PPM1B: variants seen among roughly 807,000 people sequenced by gnomAD.
PPM1B encodes protein phosphatase, Mg2+/Mn2+ dependent 1B.
A neutral mutation model predicts 43.0 loss-of-function variants in PPM1B; 22 were observed. The observed-to-expected ratio is 0.51, with a 90% CI of 0.37 to 0.73. The LOEUF (loss-of-function observed/expected upper bound fraction) is 0.73. PPM1B is among the 30% of genes least tolerant of loss of function. The probability of loss-of-function intolerance (pLI) is 0.00; values close to 1 mark genes in which losing one functional copy is unlikely to be tolerated. For missense variants in PPM1B, 632 were observed against 584.2 expected (o/e 1.08, Z -0.84); for synonymous variants, 217 against 197.9 (o/e 1.10, Z -0.81).
At chr2:44,190,550 T>G (rs557512961) in intron 1 of PPM1B, among the ~76,000 whole-genome samples, 61 of 152,328 alleles carry the variant, frequency 4.0e-4, no homozygotes, top group African/African-American at 1.4e-3. Flanking sequence ...CTTTGCTTGT[T>G]CTTACTTTTT....
At chr2:44,175,136 CCT>C (rs1222760999) in intron 1 of PPM1B, among the ~76,000 whole-genome samples, 1 of 152,112 alleles carries the variant, frequency 6.6e-6, no homozygotes, top group Admixed American at 6.5e-5. Flanking sequence ...TGCCTGTAAT[CCT>C]AGCTACTCAG....
downstream of PPM1B, chr2:44,233,845 C>CT: frequency 2.0e-6 from 2 of 985,550 alleles, no homozygotes; most frequent in Non-Finnish European, 2.4e-6. Context: ...AGTTAAAGTG[C>CT]TTTACATGAT....
intron 5 of PPM1B, among the ~76,000 whole-genome samples, chr2:44,222,585 G>C (rs1670023938): frequency 6.6e-6 from 1 of 152,130 alleles, no homozygotes; most frequent in Non-Finnish European, 1.5e-5. Context: ...CAGAGTCATA[G>C]GTAATCTTCT....
intron 5 of PPM1B, chr2:44,219,036 C>CTGTTCAACA: frequency 3.2e-6 from 1 of 310,458 alleles, no homozygotes; most frequent in South Asian, 2.6e-5. Context: ...GAGTGTTGAG[C>CTGTTCAACA]TGAGATAACC....
chr2:44,238,874 T>G (rs185270931), downstream of PPM1B, among the ~76,000 whole-genome samples: 1 of 152,266 alleles, frequency 6.6e-6, no homozygotes, highest in African/African-American at 2.4e-5. Flanking sequence ...AACTTTAAAA[T>G]GTATTTTAAA....
chr2:44,211,930 G>T lies in PPM1B; in HGVS notation c.964+2603G>T, dbSNP rs547881032. 2.0e-5 allele frequency among the ~76,000 whole-genome samples: 3 copies of T among 152,092 alleles called. No homozygotes were observed. In the South Asian group the frequency reaches 6.2e-4, roughly 32 times the overall value. On this transcript the variant is annotated intron_variant, in intron 3 of 5. Transcript: ENST00000282412. Reference sequence around the variant, plus strand: ...ACACCCGGCCAATTTTGTATGTTTAGTAGAGAGGGGGTTTCTCCATGTTGG... The same window carrying T: ...ACACCCGGCCAATTTTGTATGTTTATTAGAGAGGGGGTTTCTCCATGTTGG...
intron 4 of PPM1B, 101 bp from the exon 5 acceptor site, chr2:44,218,379 C>G (rs891947697): frequency 4.7e-6 from 4 of 855,626 alleles, no homozygotes; most frequent in Non-Finnish European, 7.5e-6. Flanking sequence ...ATAGAGTGTA[C>G]CAGTTACTTT....
downstream of PPM1B, among the ~76,000 whole-genome samples, chr2:44,238,182 C>T (rs553525710): frequency 1.2e-4 from 18 of 152,142 alleles, no homozygotes; most frequent in East Asian, 1.6e-3. Context: ...GGATTCCAGG[C>T]GTGACCCACC....
chr2:44,235,393 C>T (rs953582041), downstream of PPM1B, among the ~76,000 whole-genome samples: 1 of 152,060 alleles, frequency 6.6e-6, no homozygotes, highest in Admixed American at 6.6e-5. Context: ...CACCTGAGAT[C>T]GGGAGTTTGA....
downstream of PPM1B, chr2:44,233,153 G>T: frequency 8.3e-6 from 8 of 963,246 alleles, no homozygotes; most frequent in Non-Finnish European, 9.9e-6. Context: ...TTACATGTGG[G>T]TTTCTATAGT....
chr2:44,198,710 A>T (rs1484082318), intron 1 of PPM1B, among the ~76,000 whole-genome samples: 1 of 152,118 alleles, frequency 6.6e-6, no homozygotes, highest in Non-Finnish European at 1.5e-5. Context: ...ACTCTCTCAG[A>T]TTACTTCCCT....
intron 3 of PPM1B, among the ~76,000 whole-genome samples, chr2:44,216,284 G>A (rs2104212187): frequency 6.6e-6 from 1 of 152,280 alleles, no homozygotes; most frequent in African/African-American, 2.4e-5. Flanking sequence ...CATAGCTGAG[G>A]GGGTGCCACT....
At chr2:44,181,049 G>T (rs193013817) in intron 1 of PPM1B, among the ~76,000 whole-genome samples, 16 of 152,098 alleles carry the variant, frequency 1.1e-4, no homozygotes, top group African/African-American at 3.6e-4. Flanking sequence ...GGTTCAAGCA[G>T]TCGTCCTACC....
chr2:44,218,448 T>G (rs764680894), intron 4 of PPM1B, 32 bp from the exon 5 acceptor site: 3 of 1,498,154 alleles, frequency 2.0e-6, no homozygotes, highest in Non-Finnish European at 2.7e-6. Flanking sequence ...CTGTGTAATT[T>G]AATAAAACTA....
rs1669338502 is a variant in PPM1B, at chr2:44,209,262, A to G, written c.899A>G (p.Lys300Arg). The G allele has an allele frequency of 1.9e-6, 3 of 1,613,986 alleles. No homozygotes were observed. Among genetic ancestry groups the G allele is most frequent in the Non-Finnish European group, 2.5e-6 (3 of 1,179,870 alleles). Residue 300 changes from lysine to arginine, a missense_variant, in exon 3 of 6, where the codon AAG (lysine) becomes AGG (arginine). Transcript: ENST00000282412. ...IVLVCFSNAP[K>R]VSDEAVKKDS... is the part of the protein sequence containing the mutation. ...CTAGTTTGCTTTTCAAATGCTCCCA[A>G]GGTCTCAGATGAAGCGGTGAAAAAA...
intron 5 of PPM1B, among the ~76,000 whole-genome samples, chr2:44,219,357 C>T (rs967385104): frequency 6.6e-6 from 1 of 152,052 alleles, no homozygotes; most frequent in Non-Finnish European, 1.5e-5. Flanking sequence ...GAAGAGTCCA[C>T]CTCCAGTCTC....
chr2:44,199,790 A>G (rs1668845731), intron 1 of PPM1B, among the ~76,000 whole-genome samples: 1 of 152,216 alleles, frequency 6.6e-6, no homozygotes, highest in Admixed American at 6.5e-5. Context: ...TACATTTGTA[A>G]TTTATTAATA....
chr2:44,231,406 A>C lies in PPM1B; in HGVS notation c.*688A>C. Reference sequence around the variant, plus strand: ...ACTACACACATCAAAATGTATGTCAACCAAGTGTTTAGAATGAAATTATAA... The same window carrying C: ...ACTACACACATCAAAATGTATGTCACCCAAGTGTTTAGAATGAAATTATAA... On this transcript the variant is annotated 3_prime_UTR_variant, in exon 6 of 6. Transcript: ENST00000282412. 1 of 974,728 alleles carries C rather than the reference A, an allele frequency of 1.0e-6. No homozygotes were observed. Among genetic ancestry groups the C allele is most frequent in the Non-Finnish European group, 1.2e-6 (1 of 820,248 alleles). The allele number at this position is 974,728 out of a possible 1,614,324, so 60.4% of individuals were successfully genotyped here. A position where few individuals can be genotyped will look rare whatever the true frequency, so the allele number is the denominator to read the frequency against.
At chr2:44,192,186 TTATGG>T (rs1553329822) in intron 1 of PPM1B, among the ~76,000 whole-genome samples, 1 of 48,796 alleles carries the variant, frequency 2.0e-5, no homozygotes, top group African/African-American at 8.2e-5. Flanking sequence ...TTATGTTATG[TTATGG>T]TATTGTATTG....
Sources: allele counts gnomAD v4.1 joint callset (sites outside exome capture counted in the v4.1 genomes callset), GRCh38; gene constraint gnomAD v4.1.1; transcripts MANE v1.5; gene names NCBI Gene and HGNC (gene_info 2026-07-23, HGNC 2026-07-21).